The following PIDD1 variants were observed in gnomAD, a reference collection of about 807,000 sequenced individuals.
PIDD1 encodes the protein p53-induced death domain-containing protein 1.
Under a neutral mutation model 80.0 loss-of-function variants are expected in PIDD1, and 72 were observed. That is an observed-to-expected ratio of 0.90 (90% CI 0.74 to 1.09). The LOEUF is 1.09. Ranked by LOEUF, PIDD1 falls within the 50% of genes least tolerant of loss-of-function variation. The pLI is 0.00. For synonymous variants in PIDD1, 655 were observed against 543.5 expected (o/e 1.21, Z -2.85); for missense variants, 1,329 against 1,228.3 (o/e 1.08, Z -1.23).
upstream of PIDD1, chr11:805,559 C>T (rs2133818064): frequency 1.1e-6 from 1 of 942,506 alleles, no homozygotes; most frequent in Middle Eastern, 5.4e-4. Flanking sequence ...GACCCGGCCC[C>T]AGGTGCGTTC....
upstream of PIDD1, chr11:809,489 G>A (rs1343674275): frequency 6.6e-6 from 1 of 152,296 alleles, no homozygotes; most frequent in South Asian, 2.1e-4. Flanking sequence ...CGAGCCTACC[G>A]CCAGCAGCTT....
At chr11:801,895 T>G in intron 7 of PIDD1, 70 bp downstream of exon 7, 1 of 1,567,338 alleles carries the variant, frequency 6.4e-7, no homozygotes, top group Middle Eastern at 1.7e-4. Flanking sequence ...AGGGTGAGGC[T>G]CTGGGCAGAG....
At position 801,525 on chromosome 11, in the gene PIDD1, G is replaced by A. The variant is rs896575998; in HGVS notation, c.1402C>T (p.Leu468=). The change falls in exon 8 of 16, where the codon CTG becomes TTG. Residue 468 remains leucine, a synonymous_variant. Coordinates refer to ENST00000347755, the MANE Select transcript of PIDD1 (RefSeq NM_145886.4). ...ACCCCAGGATGACCCGAGGAGCACAGCAGTGTCCCCTCCGGTGGCACCAGG... is the reference window on the plus strand; with the variant it reads ...ACCCCAGGATGACCCGAGGAGCACAACAGTGTCCCCTCCGGTGGCACCAGG... ...ACLVPPEGTL[L]CSSGHPGVKV... is the part of the protein sequence containing the mutation. The A allele has an allele frequency of 1.9e-6, 3 of 1,565,260 alleles. No individual in the cohort carries two copies. In the East Asian group the frequency reaches 7.1e-5, roughly 37 times the overall value.
Position 805,209 on chromosome 11 carries a change from T to C in PIDD1, c.-106A>G. The C allele has an allele frequency of 1.0e-6, 1 of 983,238 alleles. No individual in the cohort carries two copies. Among genetic ancestry groups the C allele is most frequent in the Non-Finnish European group, 1.2e-6 (1 of 828,062 alleles). The allele number at this position is 983,238 out of a possible 1,614,324, so 60.9% of individuals were successfully genotyped here. A position where few individuals can be genotyped will look rare whatever the true frequency, so the allele number is the denominator to read the frequency against. On this transcript the variant is annotated 5_prime_UTR_variant, in exon 1 of 16. Transcript: ENST00000347755. ...CTGCAGGCGGCGCGCAAAGGGTGGC[T>C]GCTCAGCGGGCGCTCGGCGCCTGGG...
In PIDD1 at chr11:800,430, C is replaced by T. The variant is rs1351051257; in HGVS notation, c.2063G>A (p.Gly688Asp). The change falls in exon 13 of 16, where the codon GGC becomes GAC. Residue 688 changes from glycine to aspartate, a missense_variant. Physicochemically the swap from Gly to Asp is moderately conservative, Grantham distance 94. Coordinates refer to ENST00000347755, the MANE Select transcript of PIDD1 (RefSeq NM_145886.4). Reference protein sequence around the residue: ...VDADRPDCVEGRICFVFYSHL... With the variant: ...VDADRPDCVEDRICFVFYSHL... ...CGAGTAGAAGACAAAGCAGATTCTG[C>T]CCTCCACACAGTCAGGGCGGTCTAG... 3 of 1,505,578 alleles carry T rather than the reference C, an allele frequency of 2.0e-6. No individual in the cohort carries two copies. The highest frequency in any genetic ancestry group is 2.3e-5 in the East Asian group (1 of 43,868). 93.3% of individuals were successfully genotyped at this position (1,505,578 alleles called of 1,614,324 possible). A position where few individuals can be genotyped will look rare whatever the true frequency, so the allele number is the denominator to read the frequency against.
Position 802,348 on chromosome 11 carries a change from G to T in PIDD1, c.1023C>A (p.Val341=). 3 of 1,611,838 alleles carry T rather than the reference G, an allele frequency of 1.9e-6. No homozygotes were observed. The highest frequency in any genetic ancestry group is 2.5e-6 in the Non-Finnish European group (3 of 1,179,802). Residue 341 remains valine, a synonymous_variant, in exon 6 of 16, where the codon GTC becomes GTA. Transcript: ENST00000347755. ...QGCSVTLACG[V]RLQFPAGATA... is the part of the protein sequence containing the mutation. Reference sequence around the variant, plus strand: ...TGGCTCCCGCTGGGAACTGCAGGCGGACGCCACAGGCCAGGGTCACTGAGC... The same window carrying T: ...TGGCTCCCGCTGGGAACTGCAGGCGTACGCCACAGGCCAGGGTCACTGAGC...
upstream of PIDD1, chr11:805,709 G>C: frequency 1.0e-6 from 1 of 983,186 alleles, no homozygotes; most frequent in Non-Finnish European, 1.2e-6. Context: ...CTCTGGGCCT[G>C]CAAAGACCCT....
Position 802,721 on chromosome 11 carries a change from G to A in PIDD1, c.880C>T (p.Pro294Ser), listed in dbSNP as rs1473430430. ...GCGTCTGGCGAGGCCTCACCCAGGG[G>A]GTTCCCCTGCAGGCGCACAAAGGGG... ...DAPFVRLQGN[P>S]LGEASPDAPS... The change falls in exon 4 of 16, where the codon CCC (proline) becomes TCC (serine). Residue 294 changes from proline to serine, a missense_variant. Coordinates refer to ENST00000347755, the MANE Select transcript of PIDD1 (RefSeq NM_145886.4). The A allele has an allele frequency of 1.2e-6, 2 of 1,612,008 alleles. No homozygotes were observed. Among genetic ancestry groups the A allele is most frequent in the Middle Eastern group, 1.7e-4 (1 of 6,060 alleles).
upstream of PIDD1, chr11:805,278 G>A: frequency 1.1e-6 from 1 of 937,096 alleles, no homozygotes; most frequent in South Asian, 4.9e-5. Flanking sequence ...TGCAGACCCC[G>A]CCCCTTGGGC....
upstream of PIDD1, chr11:805,578 G>T (rs11246313): frequency 0.48 from 469,000 of 973,618 alleles, 117,314 homozygotes; most frequent in Admixed American, 0.55. Context: ...TCCCAGGCCG[G>T]GGTGACGGGG....
At position 799,258 on chromosome 11, in the gene PIDD1, C is replaced by CT; in HGVS notation, c.*48dup. On this transcript the variant is annotated 3_prime_UTR_variant, in exon 16 of 16. Transcript: ENST00000347755. ...CTGGAGAGACTTGAAGGTGGGGGCT[C>CT]TGCCCATCCACTGGGGAATATCTGG... The CT allele has an allele frequency of 2.0e-6, 3 of 1,513,230 alleles. No homozygotes were observed. The highest frequency in any genetic ancestry group is 2.7e-6 in the Non-Finnish European group (3 of 1,130,842). The allele number at this position is 1,513,230 out of a possible 1,614,324, so 93.7% of individuals were successfully genotyped here.
chr11:805,136 C>G (rs1343314881), intron 1 of PIDD1, 43 bp downstream of exon 1: 2 of 909,944 alleles, frequency 2.2e-6, no homozygotes, highest in Admixed American at 6.2e-5. Flanking sequence ...CAAAAGCAAA[C>G]GTGTCCCCGC....
In PIDD1 at chr11:799,923, TGC is replaced by T; in HGVS notation, c.2364_2365del (p.Gln789GlufsTer38). The T allele has an allele frequency of 6.2e-7, 1 of 1,612,750 alleles. No homozygotes were observed. Among genetic ancestry groups the T allele is most frequent in the African/African-American group, 1.3e-5 (1 of 75,034 alleles). ...CCCAGCCACACTCAGCAGGTTGCTC[TGC>T]GTCAGAAAGCCGGTCTCGGCATCTC... On this transcript the variant is annotated frameshift_variant, in exon 15 of 16. Transcript: ENST00000347755. LOFTEE classifies it high-confidence loss of function.
At chr11:805,094 G>C in intron 1 of PIDD1, 85 bp downstream of exon 1, 1 of 511,738 alleles carries the variant, frequency 2.0e-6, no homozygotes, top group South Asian at 8.3e-5. Context: ...GGATCCCCCG[G>C]GCGTCGGGGA....
At chr11:802,989 T>C in intron 3 of PIDD1, 98 bp from the exon 4 acceptor site, 1 of 1,136,454 alleles carries the variant, frequency 8.8e-7, no homozygotes, top group Non-Finnish European at 1.3e-6. Flanking sequence ...CAGACTCTCC[T>C]CCACAGCTGG....
Position 803,455 on chromosome 11 carries a change from C to G in PIDD1, c.428G>C (p.Cys143Ser), listed in dbSNP as rs775492735. 6.2e-7 allele frequency: 1 copy of G among 1,613,872 alleles called. No homozygotes were observed. Among genetic ancestry groups the G allele is most frequent in the Admixed American group, 1.7e-5 (1 of 60,026 alleles). Residue 143 changes from cysteine to serine, a missense_variant, in exon 3 of 16, where the codon TGT becomes TCT. Coordinates refer to ENST00000347755, the MANE Select transcript of PIDD1 (RefSeq NM_145886.4). ...ACCCAGACCTCGCATCTGCAGGACA[C>G]AGGCCGGCAGTGTCTCCAGGCTGTT... is the stretch of plus-strand genomic sequence containing the variant. ...SFNSLETLPA[C>S]VLQMRGLGAL...
rs1178321517 is a variant in PIDD1 at position 801,138 on chromosome 11, A to T, written c.1631-18T>A. 16 of 1,548,746 alleles carry T rather than the reference A, an allele frequency of 1.0e-5. No homozygotes were observed. Among genetic ancestry groups the T allele is most frequent in the Admixed American group, 1.8e-5 (1 of 54,172 alleles). ...ACTGAGGCCTGGGGATGGGAGGGGCAGCGAGCTGAGGCCTCCTGGCCGGAG... is the reference window on the plus strand; with the variant it reads ...ACTGAGGCCTGGGGATGGGAGGGGCTGCGAGCTGAGGCCTCCTGGCCGGAG... On this transcript the variant is annotated intron_variant, in intron 9 of 15. Coordinates refer to ENST00000347755, the MANE Select transcript of PIDD1 (RefSeq NM_145886.4).
In PIDD1 at chr11:802,414, G is replaced by A. The variant is rs372625453; in HGVS notation, c.975-18C>T. The A allele has an allele frequency of 2.1e-5, 34 of 1,608,946 alleles. No individual in the cohort carries two copies. In the Middle Eastern group the frequency reaches 9.1e-4, roughly 43 times the overall value. ...CAGGAAAGCTGAGTGAGGAAGGAGC[G>A]AGCAACAGGTTAGACCCAGAAGGGC... On this transcript the variant is annotated intron_variant, in intron 5 of 15. Coordinates refer to ENST00000347755, the MANE Select transcript of PIDD1 (RefSeq NM_145886.4).
chr11:802,210 C>A lies in PIDD1; in HGVS notation c.1161G>T (p.Gly387=), dbSNP rs752755660. The stretch of plus-strand genomic sequence containing the variant: ...CTGTCCATGCCTGCTGGAAGGCCAC[C>A]CCATGGGGCTGCAGCTCCAGCACAT... The part of the protein sequence containing the change: ...LSHVLELQPH[G]VAFQQDVGLW... Residue 387 remains glycine (G), a synonymous_variant, in exon 6 of 16, where the codon GGG becomes GGT. Transcript: ENST00000347755. 1.6e-5 allele frequency: 26 copies of A among 1,607,388 alleles called. No homozygotes were observed. The highest frequency in any genetic ancestry group is 1.8e-5 in the Non-Finnish European group (21 of 1,177,710).
Sources: gnomAD v4.1 joint callset for allele counts on GRCh38, gnomAD v4.1.1 for gene constraint, MANE v1.5 for transcripts, NCBI Gene and HGNC (gene_info 2026-07-23, HGNC 2026-07-21) for gene names.